Variants in ALYREF observed in about 807,000 individuals in gnomAD.
ALYREF encodes THO complex subunit 4.
ALYREF carries 1 observed loss-of-function variant against 25.2 expected under a neutral mutation model. That is an observed-to-expected ratio of 0.04 (90% confidence interval 0.01 to 0.19). ALYREF has a LOEUF of 0.19. Among genes scored for constraint, ALYREF ranks in the 10% least tolerant of loss-of-function variants. ALYREF has a pLI of 1.00. For missense variants in ALYREF, 328 were observed against 375.6 expected (o/e 0.87, Z 1.05); for synonymous variants, 193 against 153.5 (o/e 1.26, Z -1.90).
Position 81,891,367 on chromosome 17 carries a change from C to A in ALYREF, c.214G>T (p.Ala72Ser). Residue 72 changes from alanine to serine, a missense_variant, in exon 1 of 6, where the codon GCG (alanine) becomes TCG (serine). Physicochemically the swap from Ala to Ser is moderately conservative, Grantham distance 99. Around this residue, in one of 3 missense-constraint regions of ALYREF, gnomAD observed 150 missense variants for 135.3 expected, o/e 1.11. Transcript: ENST00000505490. ...CGGTTCCTGCCGCCTCCGCCGGCCG[C>A]GCCGCGGGCGATGGCCGGCCGGTTC... ...IRNRPAIARG[A>S]AGGGGRNRPA... is the part of the protein sequence containing the mutation. 8.7e-7 allele frequency: 1 copy of A among 1,149,390 alleles called. No individual in the cohort carries two copies. The highest frequency in any genetic ancestry group is 1.1e-6 in the Non-Finnish European group (1 of 933,598). 71.2% of individuals were successfully genotyped at this position (1,149,390 alleles called of 1,614,324 possible). A position where few individuals can be genotyped will look rare whatever the true frequency, so the allele number is the denominator to read the frequency against.
rs866240403 is a variant in ALYREF, at chr17:81,890,759, G to A, written c.320C>T (p.Ala107Val). The A allele has an allele frequency of 1.2e-6, 2 of 1,613,906 alleles. No homozygotes were observed. Among genetic ancestry groups the A allele is most frequent in the Non-Finnish European group, 1.7e-6 (2 of 1,180,014 alleles). Residue 107 changes from alanine (A) to valine (V), a missense_variant, in exon 2 of 6, where the codon GCC becomes GTC. Coordinates refer to ENST00000505490, the MANE Select transcript of ALYREF (RefSeq NM_005782.4). ...CAGTTTCCCACCTGTCTCCACGCCG[G>A]CACCACCGCCGAAGCCACTGTCGAA... ...DLFDSGFGGG[A>V]GVETGGKLLV...
chr17:81,889,055 G>A lies in ALYREF; in HGVS notation c.538+127C>T, dbSNP rs2039468087. ...GCAGCATGAGAGGTGGCAGATGGAA[G>A]AGAGAGACAAAGGGGCAAATGCAAA... On this transcript the variant is annotated intron_variant, in intron 3 of 5. Transcript: ENST00000505490. 9.5e-6 allele frequency: 14 copies of A among 1,473,978 alleles called. No homozygotes were observed. The South Asian group carries it at 1.1e-4, about 11-fold the overall frequency. The allele number at this position is 1,473,978 out of a possible 1,614,324, so 91.3% of individuals were successfully genotyped here. A position where few individuals can be genotyped will look rare whatever the true frequency, so the allele number is the denominator to read the frequency against.
In ALYREF at chr17:81,887,907, G is replaced by A. The variant is rs980870657; in HGVS notation, c.*224C>T. ...GCCACCTTCTCCACAACAGCAACCA[G>A]TAAAATTTATCCCAAAAATAACTCG... On this transcript the variant is annotated 3_prime_UTR_variant, in exon 6 of 6. Transcript: ENST00000505490. 9.7e-6 allele frequency: 5 copies of A among 514,174 alleles called. No individual in the cohort carries two copies. The Admixed American group carries it at 1.2e-4, about 12-fold the overall frequency. The allele number at this position is 514,174 out of a possible 1,614,324, so 31.9% of individuals were successfully genotyped here.
At chr17:81,890,654 G>A (rs1189125985) in intron 2 of ALYREF, 35 bp downstream of exon 2, 5 of 1,609,662 alleles carry the variant, frequency 3.1e-6, no homozygotes, top group Non-Finnish European at 4.2e-6. Flanking sequence ...TCCTGTGCAG[G>A]GCGAACGGCT....
rs1463690086 is a variant in ALYREF at position 81,889,278 on chromosome 17, G to A, written c.442C>T (p.Arg148Cys). ...TLKKAAVHYD[R>C]SGRSLGTADV... ...GCTGTTCCTAAGCTGCGACCAGAGCGATCATAGTGCACAGCCGCCTTCTTC... is the reference window on the plus strand; with the variant it reads ...GCTGTTCCTAAGCTGCGACCAGAGCAATCATAGTGCACAGCCGCCTTCTTC... Residue 148 changes from arginine to cysteine, a missense_variant, in exon 3 of 6, where the codon CGC becomes TGC. This residue lies in a region of ALYREF where 70 missense variants were observed against 129.9 expected (regional missense o/e 0.54). Transcript: ENST00000505490. 6 of 1,614,226 alleles carry A rather than the reference G, an allele frequency of 3.7e-6. No homozygotes were observed. Among genetic ancestry groups the A allele is most frequent in the Admixed American group, 1.7e-5 (1 of 60,016 alleles).
chr17:81,888,050 A>G lies in ALYREF; in HGVS notation c.*81T>C. The G allele has an allele frequency of 1.3e-6, 2 of 1,561,216 alleles. No individual in the cohort carries two copies. Among genetic ancestry groups the G allele is most frequent in the Non-Finnish European group, 1.8e-6 (2 of 1,139,842 alleles). ...AAGAAACAAATCCATCATTGGCCGC[A>G]CAGCCCCAGCCACCGCCCCCCAACC... On this transcript the variant is annotated 3_prime_UTR_variant, in exon 6 of 6. Coordinates refer to ENST00000505490, the MANE Select transcript of ALYREF (RefSeq NM_005782.4). The surrounding 1 kb of genome is among the most constrained non-coding windows in gnomAD (Gnocchi z 5.8).
chr17:81,891,543 T>C lies in ALYREF; in HGVS notation c.38A>G (p.Asp13Gly). 7.0e-7 allele frequency: 1 copy of C among 1,437,152 alleles called. No homozygotes were observed. Among genetic ancestry groups the C allele is most frequent in the Non-Finnish European group, 9.1e-7 (1 of 1,093,884 alleles). 89.0% of individuals were successfully genotyped at this position (1,437,152 alleles called of 1,614,324 possible). The change falls in exon 1 of 6, where the codon GAC becomes GGC. Residue 13 changes from aspartate (D) to glycine (G), a missense_variant. Physicochemically the swap from Asp to Gly is moderately conservative, Grantham distance 94. This residue lies in a region of ALYREF where 150 missense variants were observed against 135.3 expected (regional missense o/e 1.11). Transcript: ENST00000505490. Reference sequence around the variant, plus strand: ...TTTAATGATGTCGTCCAGAGACATGTCCATTTTGTCGGCCATGGCGGGCGC... The same window carrying C: ...TTTAATGATGTCGTCCAGAGACATGCCCATTTTGTCGGCCATGGCGGGCGC... ...DSAPAMADKM[D>G]MSLDDIIKLN...
rs1336764085 is a variant in ALYREF at position 81,891,413 on chromosome 17, A to G, written c.168T>C (p.Asn56=). The G allele has an allele frequency of 2.9e-6, 3 of 1,039,696 alleles. No homozygotes were observed. The highest frequency in any genetic ancestry group is 3.5e-6 in the Non-Finnish European group (3 of 868,674). The allele number at this position is 1,039,696 out of a possible 1,614,324, so 64.4% of individuals were successfully genotyped here. Residue 56 remains asparagine, a synonymous_variant, in exon 1 of 6, where the codon AAT becomes AAC. Transcript: ENST00000505490. ...GGGAQAAARV[N]RGGGPIRNRP... ...GGTTCCGGATGGGCCCGCCGCCTCGATTCACTCGCGCGGCGGCCTGCGCCC... is the reference window on the plus strand; with the variant it reads ...GGTTCCGGATGGGCCCGCCGCCTCGGTTCACTCGCGCGGCGGCCTGCGCCC...
intron 2 of ALYREF, chr17:81,889,742 C>G (rs2039478663): frequency 1.1e-5 from 2 of 176,106 alleles, no homozygotes; most frequent in Non-Finnish European, 1.2e-5. Flanking sequence ...ATTCGGGAGC[C>G]CTGACCCCAG....
chr17:81,890,867 G>A lies in ALYREF; in HGVS notation c.259-47C>T, dbSNP rs373239490. ...GAGCAGATCTGTGAGTCTCAGTCCA[G>A]GGCTTTCCTGACCCTCACGGCTACT... On this transcript the variant is annotated intron_variant, in intron 1 of 5. Coordinates refer to ENST00000505490, the MANE Select transcript of ALYREF (RefSeq NM_005782.4). 6 of 1,613,090 alleles carry A rather than the reference G, an allele frequency of 3.7e-6. No homozygotes were observed. The Admixed American group carries it at 5.0e-5, about 13-fold the overall frequency.
chr17:81,889,394 G>A, intron 2 of ALYREF, 65 bp from the exon 3 acceptor site: 2 of 1,584,836 alleles, frequency 1.3e-6, no homozygotes, highest in Non-Finnish European at 1.7e-6. Flanking sequence ...GTGGCCCAGG[G>A]ACAGGCCCTG....
At chr17:81,891,102 AAG>A (rs2039515803) in intron 1 of ALYREF, 2 of 638,570 alleles carry the variant, frequency 3.1e-6, no homozygotes, top group African/African-American at 3.8e-5. Context: ...GGAACAAACA[AAG>A]AGCTGGGAAG....
rs760571551 is a variant in ALYREF, at chr17:81,888,479, A to G, written c.602+41T>C. On this transcript the variant is annotated intron_variant, in intron 4 of 5. Coordinates refer to ENST00000505490, the MANE Select transcript of ALYREF (RefSeq NM_005782.4). This position sits in a 1 kb window ranked among gnomAD's most constrained non-coding sequence, Gnocchi z 5.8. ...AGGACCCTAAGAGCGACGCAGCCTCACCCTCGGCCAATCCCCTTCCCCAGA... is the reference window on the plus strand; with the variant it reads ...AGGACCCTAAGAGCGACGCAGCCTCGCCCTCGGCCAATCCCCTTCCCCAGA... 3 of 1,601,412 alleles carry G rather than the reference A, an allele frequency of 1.9e-6. No homozygotes were observed. Among genetic ancestry groups the G allele is most frequent in the Non-Finnish European group, 2.6e-6 (3 of 1,172,526 alleles).
In ALYREF at chr17:81,889,186, C is replaced by G; in HGVS notation, c.534G>C (p.Leu178=). Residue 178 remains leucine (L), a synonymous_variant, in exon 3 of 6, where the codon CTG becomes CTC. Transcript: ENST00000505490. ...TGGGTCCACCCCCAGACTCACCATC[C>G]AGAGGGACGCCGTTGTACTGCTTCA... is the stretch of plus-strand genomic sequence containing the variant. ...KAMKQYNGVP[L]DGRPMNIQLV... is the part of the protein sequence containing the mutation. The G allele has an allele frequency of 6.2e-7, 1 of 1,614,090 alleles. No homozygotes were observed. The highest frequency in any genetic ancestry group is 8.5e-7 in the Non-Finnish European group (1 of 1,179,952).
rs781546051 is a variant in ALYREF at position 81,888,618 on chromosome 17, G to A, written c.539-35C>T. 3.2e-6 allele frequency: 5 copies of A among 1,566,930 alleles called. No homozygotes were observed. Among genetic ancestry groups the A allele is most frequent in the Non-Finnish European group, 4.3e-6 (5 of 1,154,564 alleles). On this transcript the variant is annotated intron_variant, in intron 3 of 5. Transcript: ENST00000505490. The surrounding 1 kb of genome is among the most constrained non-coding windows in gnomAD (Gnocchi z 5.8). Reference sequence around the variant, plus strand: ...AGAATACGAGAAGGCACGTTCTATTGAGAGGCTCTGAAACCCACCCAGCTG... The same window carrying A: ...AGAATACGAGAAGGCACGTTCTATTAAGAGGCTCTGAAACCCACCCAGCTG...
intron 2 of ALYREF, 110 bp downstream of exon 2, chr17:81,890,579 T>C (rs1004712201): frequency 2.0e-6 from 3 of 1,497,002 alleles, no homozygotes; most frequent in African/African-American, 1.4e-5. Context: ...CCTTCAGAGC[T>C]GGGAGGGCTC....
chr17:81,890,549 C>T, intron 2 of ALYREF, 140 bp downstream of exon 2: 1 of 1,295,894 alleles, frequency 7.7e-7, no homozygotes, highest in East Asian at 2.4e-5. Flanking sequence ...GCTTTACTAG[C>T]ACTGGGTCTG....
Position 81,891,392 on chromosome 17 carries a change from C to A in ALYREF, c.189G>T (p.Arg63=). The change falls in exon 1 of 6, where the codon CGG becomes CGT. Residue 63 remains arginine (R), a synonymous_variant. Transcript: ENST00000505490. ...CGCCGCGGGCGATGGCCGGCCGGTT[C>A]CGGATGGGCCCGCCGCCTCGATTCA... ...ARVNRGGGPI[R]NRPAIARGAA... The A allele has an allele frequency of 1.8e-6, 2 of 1,093,852 alleles. No homozygotes were observed. The highest frequency in any genetic ancestry group is 3.3e-5 in the South Asian group (1 of 29,884). The allele number at this position is 1,093,852 out of a possible 1,614,324, so 67.8% of individuals were successfully genotyped here.
rs2039459055 is a variant in ALYREF at position 81,888,278 on chromosome 17, T to A, written c.743A>T (p.Glu248Val). Residue 248 changes from glutamate (E) to valine (V), a missense_variant, in exon 5 of 6, where the codon GAG (glutamate) becomes GTG (valine). By Grantham distance (121) the Glu-to-Val change is moderately radical. Transcript: ENST00000505490. The surrounding 1 kb of genome is among the most constrained non-coding windows in gnomAD (Gnocchi z 5.8). ...GRNSKQQLSA[E>V]ELDAQLDAYN... ...GGCGTCCAGCTGGGCATCCAGCTCC[T>A]CTGCCGAAAGCTGCTGCTTTGAATT... is the stretch of plus-strand genomic sequence containing the variant. 1.2e-6 allele frequency: 2 copies of A among 1,609,798 alleles called. No individual in the cohort carries two copies. The highest frequency in any genetic ancestry group is 1.7e-6 in the Non-Finnish European group (2 of 1,178,806).
Sources: allele counts gnomAD v4.1 joint callset, GRCh38; gene constraint gnomAD v4.1.1; regional missense constraint gnomAD v4.1.1; non-coding constraint Gnocchi (gnomAD v3.1); transcripts MANE v1.5; gene names NCBI Gene and HGNC (gene_info 2026-07-23, HGNC 2026-07-21).